GABRA5: variants seen among roughly 807,000 people sequenced by gnomAD.
GABRA5 encodes the protein gamma-aminobutyric acid type A receptor subunit alpha5.
A neutral mutation model predicts 47.3 loss-of-function variants in GABRA5; 18 were observed. The observed-to-expected ratio is 0.38, with a 90% CI of 0.26 to 0.56. GABRA5 has a LOEUF of 0.56. Ranked by LOEUF, GABRA5 falls within the 20% of genes least tolerant of loss-of-function variation. The pLI, the probability that GABRA5 is intolerant of heterozygous loss-of-function variation, is 0.71. For synonymous variants in GABRA5, 237 were observed against 229.3 expected, an observed-to-expected ratio of 1.03 and a Z score of -0.30; for missense variants, 365 against 599.3, an observed-to-expected ratio of 0.61 and a Z score of 4.08.
chr15:26,949,065 C>T lies in GABRA5; in HGVS notation c.*832C>T, dbSNP rs1476132864. ...CTCTCCCTACAGCCAGCGTGTAGTG[C>T]TTCAGTGGTGAGAAATTGTAATTGA... is the stretch of plus-strand genomic sequence containing the variant. On this transcript the variant is annotated 3_prime_UTR_variant, in exon 11 of 11. Coordinates refer to ENST00000335625, the MANE Select transcript of GABRA5 (RefSeq NM_000810.4). The T allele has an allele frequency of 6.6e-6, 1 of 152,182 alleles. No individual in the cohort carries two copies. The highest frequency in any genetic ancestry group is 1.5e-5 in the Non-Finnish European group (1 of 68,028). The allele number at this position is 152,182 out of a possible 1,614,324, so 9.4% of individuals were successfully genotyped here. A position where few individuals can be genotyped will look rare whatever the true frequency, so the allele number is the denominator to read the frequency against.
chr15:26,914,900 CAAGT>C lies in GABRA5; in HGVS notation c.580+19_580+22del. ...ATTTGGCAGCTGTAAGTTATTTTCA[CAAGT>C]AAGAGCCTTGGACATATACTTTGGG... is the stretch of plus-strand genomic sequence containing the variant. On this transcript the variant is annotated intron_variant, in intron 7 of 10. Transcript: ENST00000335625. The C allele has an allele frequency of 6.2e-7, 1 of 1,604,052 alleles. No homozygotes were observed. Among genetic ancestry groups the C allele is most frequent in the East Asian group, 2.2e-5 (1 of 44,834 alleles).
rs143193372 is a variant in GABRA5 at position 26,922,395 on chromosome 15, C to A, written c.580+7510C>A. Among the ~76,000 whole-genome samples the A allele has an allele frequency of 3.4e-3, 520 of 152,176 alleles. 4 individuals are homozygous for A. The highest frequency in any genetic ancestry group is 0.012 in the African/African-American group (500 of 41,550). ...ATATCAATGTGGCCAGTCTTGCTTT[C>A]TTTTGATTAATATTTGAATGATAAA... On this transcript the variant is annotated intron_variant, in intron 7 of 10. Coordinates refer to ENST00000335625, the MANE Select transcript of GABRA5 (RefSeq NM_000810.4).
At position 26,943,294 on chromosome 15, in the gene GABRA5, C is replaced by G; in HGVS notation, c.957C>G (p.Ala319=). The G allele has an allele frequency of 6.3e-7, 1 of 1,579,570 alleles. No individual in the cohort carries two copies. The highest frequency in any genetic ancestry group is 8.6e-7 in the Non-Finnish European group (1 of 1,162,928). Residue 319 remains alanine (A), a synonymous_variant, in exon 10 of 11, where the codon GCC becomes GCG. Coordinates refer to ENST00000335625, the MANE Select transcript of GABRA5 (RefSeq NM_000810.4). ...NSLPKVAYAT[A]MDWFIAVCYA... is the part of the protein sequence containing the mutation. The stretch of plus-strand genomic sequence containing the variant: ...TGCCCAAAGTGGCCTACGCCACCGC[C>G]ATGGACTGGTTCATAGCCGTGTGCT...
chr15:26,937,665 T>G (rs533784563), intron 8 of GABRA5, among the ~76,000 whole-genome samples: 1 of 152,320 alleles, frequency 6.6e-6, no homozygotes, highest in African/African-American at 2.4e-5. Context: ...CACCTCCTGC[T>G]TTAAACAGTG....
chr15:26,906,228 C>T (rs1315620914), intron 6 of GABRA5, among the ~76,000 whole-genome samples: 2 of 152,200 alleles, frequency 1.3e-5, no homozygotes, highest in Admixed American at 6.5e-5. Flanking sequence ...TCTACAGGGC[C>T]ACTCTTTCCT....
intron 3 of GABRA5, among the ~76,000 whole-genome samples, chr15:26,870,966 G>T (rs1892455781): frequency 1.3e-5 from 2 of 152,178 alleles, no homozygotes; most frequent in South Asian, 2.1e-4. Context: ...CCAAGCGGGG[G>T]GCGGATCGCC....
intron 7 of GABRA5, among the ~76,000 whole-genome samples, chr15:26,922,965 G>A (rs1053981586): frequency 1.3e-5 from 2 of 152,122 alleles, no homozygotes; most frequent in Non-Finnish European, 2.9e-5. Flanking sequence ...ACGGTCTGCT[G>A]TATACTCATT....
At chr15:26,920,602 G>A (rs113351025) in intron 7 of GABRA5, among the ~76,000 whole-genome samples, 17 of 152,102 alleles carry the variant, frequency 1.1e-4, no homozygotes, top group African/African-American at 3.4e-4. Flanking sequence ...CTGAAGATTT[G>A]TCTTCTTTCA....
intron 7 of GABRA5, among the ~76,000 whole-genome samples, chr15:26,935,213 C>G (rs927254608): frequency 6.6e-6 from 1 of 152,196 alleles, no homozygotes; most frequent in African/African-American, 2.4e-5. Context: ...ACTGCAACCA[C>G]ATTGTCTCTT....
chr15:26,911,680 G>C (rs1173604946), intron 6 of GABRA5, among the ~76,000 whole-genome samples: 6 of 152,162 alleles, frequency 3.9e-5, no homozygotes, highest in Non-Finnish European at 7.3e-5. Context: ...CTGAGAGTAG[G>C]TGCATGCAAC....
At chr15:26,939,703 G>A (rs146378129) in intron 8 of GABRA5, among the ~76,000 whole-genome samples, 180 of 152,198 alleles carry the variant, frequency 1.2e-3, no homozygotes, top group Non-Finnish European at 2.0e-3. Flanking sequence ...AAGAGCATCC[G>A]TCATCAAAGG....
At chr15:26,940,736 A>G (rs1894364430) in intron 9 of GABRA5, among the ~76,000 whole-genome samples, 1 of 152,212 alleles carries the variant, frequency 6.6e-6, no homozygotes. Flanking sequence ...AAATATATAT[A>G]CCTGGTAAGA....
chr15:26,942,560 A>G (rs75776550), intron 9 of GABRA5, among the ~76,000 whole-genome samples: 2,813 of 152,312 alleles, frequency 0.018, 90 homozygotes, highest in African/African-American at 0.065. Context: ...TGCGGCATGA[A>G]TGTGACTGTC....
At chr15:26,933,409 G>A (rs1026464797) in intron 7 of GABRA5, among the ~76,000 whole-genome samples, 1 of 152,232 alleles carries the variant, frequency 6.6e-6, no homozygotes, top group Admixed American at 6.5e-5. Context: ...GCCAATTGGA[G>A]TATGAGGGAG....
In GABRA5 at chr15:26,937,320, C is replaced by A; in HGVS notation, c.716C>A (p.Thr239Asn). The A allele has an allele frequency of 1.2e-6, 2 of 1,610,938 alleles. No homozygotes were observed. The highest frequency in any genetic ancestry group is 1.7e-6 in the Non-Finnish European group (2 of 1,178,290). Residue 239 changes from threonine to asparagine, a missense_variant, in exon 8 of 11, where the codon ACC becomes AAC. By Grantham distance (65) the Thr-to-Asn change is moderately conservative. Around this residue, in one of 3 missense-constraint regions of GABRA5, gnomAD observed 216 missense variants for 335.3 expected, o/e 0.64. Transcript: ENST00000335625. The stretch of plus-strand genomic sequence containing the variant: ...ACGGTGGGCACTGAGAACATCAGCA[C>A]CAGCACAGGTGAGGGCTCGGCACGC... ...GQTVGTENIS[T>N]STGEYTIMTA...
intron 10 of GABRA5, among the ~76,000 whole-genome samples, chr15:26,946,229 T>C (rs1217175592): frequency 6.6e-6 from 1 of 152,234 alleles, no homozygotes; most frequent in East Asian, 1.9e-4. Flanking sequence ...TTTTTCAAGT[T>C]TTAATTAATG....
chr15:26,913,736 A>C (rs184983114), intron 6 of GABRA5, among the ~76,000 whole-genome samples: 85 of 152,264 alleles, frequency 5.6e-4, no homozygotes, highest in African/African-American at 2.0e-3. Flanking sequence ...AAAATTTAGA[A>C]TCATCCGTAA....
At chr15:26,870,652 AT>A (rs143966364) in intron 3 of GABRA5, among the ~76,000 whole-genome samples, 1 of 151,720 alleles carries the variant, frequency 6.6e-6, no homozygotes, top group Non-Finnish European at 1.5e-5. Context: ...ATGCCTTCAG[AT>A]TTTTTTTTAT....
intron 3 of GABRA5, among the ~76,000 whole-genome samples, chr15:26,880,003 G>T (rs1892688872): frequency 6.6e-6 from 1 of 152,180 alleles, no homozygotes; most frequent in African/African-American, 2.4e-5. Flanking sequence ...AACCTGAGGT[G>T]GGATCCATGC....
Sources: gnomAD v4.1 joint callset for allele counts (sites outside exome capture counted in the v4.1 genomes callset) on GRCh38, gnomAD v4.1.1 for gene constraint, gnomAD v4.1.1 regional missense constraint, MANE v1.5 for transcripts, NCBI Gene and HGNC (gene_info 2026-07-23, HGNC 2026-07-21) for gene names.